Variants in GRIK4 observed in about 807,000 individuals in gnomAD.
The protein encoded by GRIK4 is glutamate ionotropic receptor kainate type subunit 4, also known as glutamate receptor ionotropic, kainate 4.
A neutral mutation model predicts 104.9 loss-of-function variants in GRIK4; 40 were observed. The observed-to-expected ratio is 0.38, with a 90% CI of 0.30 to 0.50. The LOEUF is 0.50. Ranked by LOEUF, GRIK4 falls within the 20% of genes least tolerant of loss-of-function variation. The pLI is 0.93. For missense variants in GRIK4, 1,047 were observed against 1,308.1 expected, an observed-to-expected ratio of 0.80 and a Z score of 3.08; for synonymous variants, 485 against 524.9, an observed-to-expected ratio of 0.92 and a Z score of 1.04.
intron 3 of GRIK4, among the ~76,000 whole-genome samples, chr11:120,686,566 GA>G (rs1348917198): frequency 2.6e-5 from 4 of 152,232 alleles, no homozygotes; most frequent in Non-Finnish European, 4.4e-5. Flanking sequence ...GCTGGTAGTG[GA>G]TGGGCTGCAT....
At chr11:120,735,931 G>A (rs1340956602) in intron 3 of GRIK4, among the ~76,000 whole-genome samples, 1 of 152,176 alleles carries the variant, frequency 6.6e-6, no homozygotes, top group Non-Finnish European at 1.5e-5. Context: ...CCTAGGGCCA[G>A]TTAGCTCCCT....
chr11:120,584,270 G>C (rs1218999675), intron 1 of GRIK4, among the ~76,000 whole-genome samples: 1 of 152,166 alleles, frequency 6.6e-6, no homozygotes, highest in East Asian at 1.9e-4. Flanking sequence ...GTTGCCTGTG[G>C]TTTTGTTATA....
intron 3 of GRIK4, among the ~76,000 whole-genome samples, chr11:120,674,026 T>C (rs11217959): frequency 0.16 from 23,660 of 152,128 alleles, 1,999 homozygotes; most frequent in South Asian, 0.23. Context: ...ACAGGCCTGG[T>C]GCTCTTCCCT....
intron 3 of GRIK4, among the ~76,000 whole-genome samples, chr11:120,690,898 C>T (rs967540914): frequency 5.3e-5 from 8 of 152,338 alleles, no homozygotes; most frequent in South Asian, 4.1e-4. Flanking sequence ...GAAGTTATCA[C>T]GTCCTTGTAG....
Position 120,982,159 on chromosome 11 carries a change from A to T in GRIK4, c.2449A>T (p.Ile817Phe). The T allele has an allele frequency of 6.2e-7, 1 of 1,613,608 alleles. No homozygotes were observed. The highest frequency in any genetic ancestry group is 8.5e-7 in the Non-Finnish European group (1 of 1,179,560). ...CTTTGTGGTTCTTATTTGTGGCTTAATCGTGGCCATTTTTATGGCTATGTT... is the reference window on the plus strand; with the variant it reads ...CTTTGTGGTTCTTATTTGTGGCTTATTCGTGGCCATTTTTATGGCTATGTT... The part of the protein sequence containing the change: ...GIFVVLICGL[I>F]VAIFMAMLEF... Residue 817 changes from isoleucine (I) to phenylalanine (F), a missense_variant, in exon 20 of 21, where the codon ATC (isoleucine) becomes TTC (phenylalanine). By Grantham distance (21) the Ile-to-Phe change is conservative. Around this residue, in one of 3 missense-constraint regions of GRIK4, gnomAD observed 440 missense variants for 652.3 expected, o/e 0.67. Transcript: ENST00000527524.
At chr11:120,976,039 G>A (rs770763359) in intron 19 of GRIK4, among the ~76,000 whole-genome samples, 1 of 152,154 alleles carries the variant, frequency 6.6e-6, no homozygotes, top group Non-Finnish European at 1.5e-5. Context: ...CAGAGCATTC[G>A]CTTTGGAATC....
chr11:120,668,817 A>G (rs1018401156), intron 3 of GRIK4, among the ~76,000 whole-genome samples: 3 of 152,218 alleles, frequency 2.0e-5, no homozygotes, highest in Non-Finnish European at 4.4e-5. Flanking sequence ...GGGCAAGAAC[A>G]TAATTTCTCA....
intron 6 of GRIK4, among the ~76,000 whole-genome samples, chr11:120,820,558 G>T (rs541648505): frequency 4.6e-5 from 7 of 152,308 alleles, no homozygotes; most frequent in African/African-American, 1.7e-4. Context: ...GCAAATCTGT[G>T]CATCTGTGTG....
At position 120,820,933 on chromosome 11, in the gene GRIK4, G is replaced by A. The variant is rs146212639; in HGVS notation, c.511+1013G>A. Among the ~76,000 whole-genome samples, 393 of 152,284 alleles carry A rather than the reference G, an allele frequency of 2.6e-3. 1 individual carries two copies. The highest frequency in any genetic ancestry group is 4.6e-3 in the Non-Finnish European group (311 of 68,026). On this transcript the variant is annotated intron_variant, in intron 6 of 20. Coordinates refer to ENST00000527524, the MANE Select transcript of GRIK4 (RefSeq NM_014619.5). ...CAATTTTATTGAATATTCAATCTGT[G>A]CTACCCAAGAAATCAAGGAACTGAG...
chr11:120,735,359 G>T (rs1374747375), intron 3 of GRIK4, among the ~76,000 whole-genome samples: 2 of 152,156 alleles, frequency 1.3e-5, no homozygotes, highest in African/African-American at 2.4e-5. Context: ...AGAGACTCTT[G>T]TTCTCTTCCC....
At chr11:120,758,213 T>C (rs1079071) in intron 3 of GRIK4, among the ~76,000 whole-genome samples, 60,062 of 151,984 alleles carry the variant, frequency 0.4, 14,223 homozygotes, top group African/African-American at 0.67. Flanking sequence ...TGCTTCATTG[T>C]ACCCATCCTG....
intron 1 of GRIK4, among the ~76,000 whole-genome samples, chr11:120,553,890 G>A (rs1948163208): frequency 6.6e-6 from 1 of 152,204 alleles, no homozygotes; most frequent in African/African-American, 2.4e-5. Context: ...GAGGAGGACT[G>A]GGAAGGTTCA....
chr11:120,854,739 C>T (rs1022492359), intron 8 of GRIK4, among the ~76,000 whole-genome samples: 2 of 152,160 alleles, frequency 1.3e-5, no homozygotes, highest in African/African-American at 4.8e-5. Flanking sequence ...GCACAGAGCT[C>T]TCCTATGTAT....
At chr11:120,980,945 T>G (rs1944641468) in intron 19 of GRIK4, among the ~76,000 whole-genome samples, 1 of 152,204 alleles carries the variant, frequency 6.6e-6, no homozygotes, top group South Asian at 2.1e-4. Flanking sequence ...CTTTCCAAGG[T>G]GCAGAAGGTA....
At chr11:120,712,339 A>G (rs1950749278) in intron 3 of GRIK4, among the ~76,000 whole-genome samples, 1 of 152,210 alleles carries the variant, frequency 6.6e-6, no homozygotes, top group Non-Finnish European at 1.5e-5. Context: ...AGAGAGGAAA[A>G]GAAACCAGGC....
At position 120,817,336 on chromosome 11, in the gene GRIK4, G is replaced by A. The variant is rs534295450; in HGVS notation, c.345+1861G>A. 9.8e-5 allele frequency among the ~76,000 whole-genome samples: 15 copies of A among 152,318 alleles called. No individual in the cohort carries two copies. In the East Asian group the frequency reaches 2.5e-3, roughly 25 times the overall value. On this transcript the variant is annotated intron_variant, in intron 5 of 20. Transcript: ENST00000527524. ...ACTCCTCTGCCCCTGTGCCAGACCA[G>A]CCAGCCAGACTGCACTGCCCTGGGA...
rs150921962 is a variant in GRIK4, at chr11:120,709,963, A to G, written c.82+49563A>G. Among the ~76,000 whole-genome samples the G allele has an allele frequency of 6.6e-4, 101 of 152,330 alleles. 1 individual carries two copies. The Middle Eastern group carries it at 0.017, about 26-fold the overall frequency. ...ATCATTGGGATCAAGTAGCTAACGC[A>G]GGCGAGGGTGCTTTGGAAACCAAGA... On this transcript the variant is annotated intron_variant, in intron 3 of 20. Coordinates refer to ENST00000527524, the MANE Select transcript of GRIK4 (RefSeq NM_014619.5).
At chr11:120,540,749 G>A (rs1295709184) in intron 1 of GRIK4, among the ~76,000 whole-genome samples, 1 of 152,202 alleles carries the variant, frequency 6.6e-6, no homozygotes, top group African/African-American at 2.4e-5. Flanking sequence ...TGTGAGTACA[G>A]TATAGGCATT....
intron 3 of GRIK4, among the ~76,000 whole-genome samples, chr11:120,736,760 TTC>T (rs55839928): frequency 4.7e-5 from 7 of 149,136 alleles, no homozygotes; most frequent in East Asian, 2.0e-4. Context: ...ATTACATATA[TTC>T]TCTCTCTCTC....
Sources: gnomAD v4.1 joint callset for allele counts (sites outside exome capture counted in the v4.1 genomes callset) on GRCh38, gnomAD v4.1.1 for gene constraint, gnomAD v4.1.1 regional missense constraint, MANE v1.5 for transcripts, NCBI Gene and HGNC (gene_info 2026-07-23, HGNC 2026-07-21) for gene names.